The following CDKAL1 variants were observed in gnomAD, a reference collection of about 807,000 sequenced individuals.
CDKAL1 encodes the protein threonylcarbamoyladenosine tRNA methylthiotransferase.
CDKAL1 carries 32 observed loss-of-function variants against 68.2 expected under a neutral mutation model. That is an observed-to-expected ratio of 0.47 (90% CI 0.35 to 0.63). The LOEUF is 0.63. Among genes scored for constraint, CDKAL1 ranks in the 30% least tolerant of loss-of-function variants. CDKAL1 has a pLI of 0.00. For missense variants in CDKAL1, 606 were observed against 696.7 expected (o/e 0.87, Z 1.47); for synonymous variants, 234 against 244.3 (o/e 0.96, Z 0.39).
chr6:20,650,200 A>G (rs556991305), intron 5 of CDKAL1, among the ~76,000 whole-genome samples: 7 of 152,260 alleles, frequency 4.6e-5, no homozygotes, highest in South Asian at 2.1e-4. Flanking sequence ...AAGTGTTCCT[A>G]TTTATCCACA....
At chr6:20,756,233 C>T (rs1454015151) in intron 6 of CDKAL1, 2 of 152,142 alleles carry the variant, frequency 1.3e-5, no homozygotes, top group African/African-American at 2.4e-5. Context: ...GTTACTTGTA[C>T]GAACCTAAAC....
intron 6 of CDKAL1, among the ~76,000 whole-genome samples, chr6:20,750,657 C>T (rs1424248418): frequency 6.6e-6 from 1 of 151,998 alleles, no homozygotes; most frequent in East Asian, 1.9e-4. Context: ...TCAAATCTCT[C>T]AGCCTCAGAA....
chr6:20,992,089 G>A (rs763987222), intron 10 of CDKAL1, among the ~76,000 whole-genome samples: 4 of 133,784 alleles, frequency 3.0e-5, no homozygotes, highest in Middle Eastern at 4.0e-3. Flanking sequence ...ATGCAGTGGC[G>A]CAATCTTGGC....
intron 4 of CDKAL1, among the ~76,000 whole-genome samples, chr6:20,610,949 A>G (rs1766591973): frequency 6.6e-6 from 1 of 152,142 alleles, no homozygotes; most frequent in Non-Finnish European, 1.5e-5. Context: ...AGCTTGGACT[A>G]CAGGTGCACA....
chr6:21,203,422 G>C (rs981866875), intron 15 of CDKAL1, among the ~76,000 whole-genome samples: 3 of 150,626 alleles, frequency 2.0e-5, no homozygotes, highest in Middle Eastern at 3.2e-3. Context: ...TTTTAGTAGA[G>C]ACAGGGTTTC....
chr6:20,934,771 G>A (rs1763622537), intron 9 of CDKAL1, among the ~76,000 whole-genome samples: 1 of 152,058 alleles, frequency 6.6e-6, no homozygotes, highest in African/African-American at 2.4e-5. Flanking sequence ...ACTTGAGCCT[G>A]GGAGGTCAAA....
intron 13 of CDKAL1, among the ~76,000 whole-genome samples, chr6:21,121,338 T>C (rs971322463): frequency 1.3e-5 from 2 of 152,212 alleles, no homozygotes; most frequent in African/African-American, 4.8e-5. Flanking sequence ...ACTTAAGTTT[T>C]CTTTGCCTTG....
chr6:20,644,804 A>G (rs1021353925), intron 4 of CDKAL1, among the ~76,000 whole-genome samples: 14 of 152,236 alleles, frequency 9.2e-5, no homozygotes, highest in Non-Finnish European at 1.9e-4. Flanking sequence ...CAGAATTCCT[A>G]TTGATTGAGG....
intron 5 of CDKAL1, among the ~76,000 whole-genome samples, chr6:20,687,270 T>C (rs923017609): frequency 5.9e-5 from 9 of 152,186 alleles, no homozygotes; most frequent in African/African-American, 2.2e-4. Context: ...AAAAAAAATA[T>C]GGTAACATTC....
chr6:21,044,548 A>G (rs1281177164), intron 11 of CDKAL1, among the ~76,000 whole-genome samples: 1 of 152,234 alleles, frequency 6.6e-6, no homozygotes, highest in Non-Finnish European at 1.5e-5. Flanking sequence ...CACAGATGCC[A>G]AAATTGTTAT....
chr6:20,978,537 G>A (rs1427545610), intron 10 of CDKAL1, among the ~76,000 whole-genome samples: 3 of 152,112 alleles, frequency 2.0e-5, no homozygotes, highest in Non-Finnish European at 4.4e-5. Context: ...ATATAAACAG[G>A]AAACAGATGT....
chr6:21,104,951 G>C (rs557631076), intron 12 of CDKAL1, among the ~76,000 whole-genome samples: 1 of 152,274 alleles, frequency 6.6e-6, no homozygotes, highest in South Asian at 2.1e-4. Context: ...TTTCTGATAA[G>C]CCTCAGTTCT....
chr6:20,624,679 A>G (rs552590096), intron 4 of CDKAL1, among the ~76,000 whole-genome samples: 6 of 149,152 alleles, frequency 4.0e-5, no homozygotes, highest in East Asian at 2.0e-4. Flanking sequence ...GAGTAGTGGG[A>G]AAAAAAAACT....
chr6:21,033,736 G>T (rs974889339), intron 11 of CDKAL1, among the ~76,000 whole-genome samples: 2 of 152,170 alleles, frequency 1.3e-5, no homozygotes, highest in Non-Finnish European at 2.9e-5. Flanking sequence ...GATGTGCTTT[G>T]TGAAAGTAGT....
In CDKAL1 at chr6:20,995,625, C is replaced by T. The variant is rs150815873; in HGVS notation, c.910-4602C>T. On this transcript the variant is annotated intron_variant, in intron 10 of 15. Coordinates refer to ENST00000274695, the MANE Select transcript of CDKAL1 (RefSeq NM_017774.3). ...AGTGGGTTTAAAATATCCAGTAAAC[C>T]ATGCTGTCAACACATGTGCTCTCAC... is the stretch of plus-strand genomic sequence containing the variant. Among the ~76,000 whole-genome samples, 15 of 152,176 alleles carry T rather than the reference C, an allele frequency of 9.9e-5. No individual in the cohort carries two copies. The East Asian group carries it at 2.9e-3, about 29-fold the overall frequency.
At chr6:21,047,293 A>C (rs116560229) in intron 11 of CDKAL1, among the ~76,000 whole-genome samples, 2,304 of 152,246 alleles carry the variant, frequency 0.015, 60 homozygotes, top group African/African-American at 0.053. Flanking sequence ...GCTGCTGAGA[A>C]GCCAGGCGCT....
At chr6:20,787,332 C>T (rs1775717779) in intron 8 of CDKAL1, among the ~76,000 whole-genome samples, 1 of 152,164 alleles carries the variant, frequency 6.6e-6, no homozygotes, top group African/African-American at 2.4e-5. Context: ...CACTTTATGT[C>T]TGTAATGTAC....
chr6:20,840,896 T>G (rs1778148310), intron 8 of CDKAL1, among the ~76,000 whole-genome samples: 1 of 152,230 alleles, frequency 6.6e-6, no homozygotes, highest in Non-Finnish European at 1.5e-5. Context: ...TGGGTTTTTG[T>G]TTTTTCTTCA....
chr6:21,148,061 A>T (rs1776261625), intron 13 of CDKAL1, among the ~76,000 whole-genome samples: 1 of 152,228 alleles, frequency 6.6e-6, no homozygotes, highest in Admixed American at 6.5e-5. Context: ...GCCATATCTG[A>T]GATGAACTTG....
Sources: gnomAD v4.1 joint callset for allele counts (sites outside exome capture counted in the v4.1 genomes callset) on GRCh38, gnomAD v4.1.1 for gene constraint, MANE v1.5 for transcripts, NCBI Gene and HGNC (gene_info 2026-07-23, HGNC 2026-07-21) for gene names.